Variants in LSAMP observed in about 807,000 individuals in gnomAD.
The protein encoded by LSAMP is limbic system-associated membrane protein.
A neutral mutation model predicts 38.6 loss-of-function variants in LSAMP; 7 were observed. The ratio of observed to expected loss-of-function variants is 0.18; its 90% CI spans 0.10 to 0.34. The LOEUF (loss-of-function observed/expected upper bound fraction) is 0.34. Ranked by LOEUF, LSAMP falls within the 10% of genes least tolerant of loss-of-function variation. The pLI, the probability that LSAMP is intolerant of heterozygous loss-of-function variation, is 1.00. For synonymous variants in LSAMP, 154 were observed against 166.8 expected, an observed-to-expected ratio of 0.92 and a Z score of 0.59; for missense variants, 313 against 420.0, an observed-to-expected ratio of 0.75 and a Z score of 2.23.
chr3:116,009,721 G>T (rs1246911918), intron 3 of LSAMP, among the ~76,000 whole-genome samples: 1 of 151,940 alleles, frequency 6.6e-6, no homozygotes, highest in East Asian at 1.9e-4. Context: ...TCTTGTAACG[G>T]GGGCTCCTTC....
intron 3 of LSAMP, among the ~76,000 whole-genome samples, chr3:116,017,432 A>G (rs1940513731): frequency 2.0e-5 from 3 of 152,156 alleles, no homozygotes; most frequent in African/African-American, 7.2e-5. Context: ...TATAAATAGT[A>G]TATTTACATA....
chr3:115,948,306 A>G (rs1938168994), intron 3 of LSAMP, among the ~76,000 whole-genome samples: 2 of 152,150 alleles, frequency 1.3e-5, no homozygotes, highest in African/African-American at 4.8e-5. Flanking sequence ...AGAACATTCT[A>G]CCCAACAACT....
intron 3 of LSAMP, among the ~76,000 whole-genome samples, chr3:115,928,884 GGAA>G (rs1254865293): frequency 6.6e-6 from 1 of 151,820 alleles, no homozygotes; most frequent in Non-Finnish European, 1.5e-5. Context: ...AAGGGCGTAG[GGAA>G]GAAGACCAGT....
intron 3 of LSAMP, among the ~76,000 whole-genome samples, chr3:115,871,781 G>A (rs1233255789): frequency 6.6e-6 from 1 of 152,028 alleles, no homozygotes; most frequent in Non-Finnish European, 1.5e-5. Context: ...AAACCTCCAT[G>A]CAAATGAGCA....
At chr3:116,100,228 C>A (rs1467241673) in intron 1 of LSAMP, among the ~76,000 whole-genome samples, 1 of 151,852 alleles carries the variant, frequency 6.6e-6, no homozygotes, top group Non-Finnish European at 1.5e-5. Context: ...AATACAGGTG[C>A]ATGCCACCAC....
chr3:116,079,631 C>CAAAAAAAAAAAAAAAAAAAAAAAAAAAA (rs34038261), intron 2 of LSAMP, among the ~76,000 whole-genome samples: 1 of 86,130 alleles, frequency 1.2e-5, no homozygotes. Context: ...GACTCTGTCT[C>CAAAAAAAAAAAAAAAAAAAAAAAAAAAA]AAAAAAAAAA....
At chr3:116,318,776 G>C (rs750481490) in intron 1 of LSAMP, among the ~76,000 whole-genome samples, 3 of 152,192 alleles carry the variant, frequency 2.0e-5, no homozygotes, top group Non-Finnish European at 4.4e-5. Context: ...TCTGAAAGTA[G>C]AAGTTTTTGG....
intron 3 of LSAMP, among the ~76,000 whole-genome samples, chr3:115,959,091 C>T (rs1938545915): frequency 6.6e-6 from 1 of 152,134 alleles, no homozygotes; most frequent in Non-Finnish European, 1.5e-5. Context: ...CTAGATGTTT[C>T]TATCCTCTTT....
At chr3:115,955,937 C>T (rs1938440039) in intron 3 of LSAMP, among the ~76,000 whole-genome samples, 1 of 152,070 alleles carries the variant, frequency 6.6e-6, no homozygotes, top group Non-Finnish European at 1.5e-5. Context: ...CTCATTAGGC[C>T]AGCATCAGGC....
rs2049494748 is a variant in LSAMP at position 116,445,163 on chromosome 3, T to C, written c.-132A>G. 1 of 842,874 alleles carries C rather than the reference T, an allele frequency of 1.2e-6. No homozygotes were observed. Among genetic ancestry groups the C allele is most frequent in the African/African-American group, 1.7e-5 (1 of 58,380 alleles). 52.2% of individuals were successfully genotyped at this position (842,874 alleles called of 1,614,324 possible). ...GCGGGCTTTGCCAGTTTATGGTCCT[T>C]TCCACTTTGCCTCTCTCTTTCCCTC... is the stretch of plus-strand genomic sequence containing the variant. On this transcript the variant is annotated 5_prime_UTR_variant, in exon 1 of 7. Coordinates refer to ENST00000490035, the MANE Select transcript of LSAMP (RefSeq NM_002338.5).
Position 116,163,722 on chromosome 3 carries a change from A to T in LSAMP, c.156-77166T>A, listed in dbSNP as rs1226007285. On this transcript the variant is annotated intron_variant, in intron 1 of 6. Transcript: ENST00000490035. ...TGTAAAAGTGTTCCTATTTCTCCAC[A>T]TCCTCTCCAAAAAAAAGATTAAAAA... is the stretch of plus-strand genomic sequence containing the variant. 2.6e-5 allele frequency among the ~76,000 whole-genome samples: 4 copies of T among 151,602 alleles called. No homozygotes were observed. The East Asian group carries it at 5.8e-4, about 22-fold the overall frequency.
chr3:115,810,257 C>CTCTG lies in LSAMP; in HGVS notation c.*59_*60insCAGA, dbSNP rs1414188082. 2 of 1,170,864 alleles carry CTCTG rather than the reference C, an allele frequency of 1.7e-6. No homozygotes were observed. The highest frequency in any genetic ancestry group is 2.5e-6 in the Non-Finnish European group (2 of 811,034). 72.5% of individuals were successfully genotyped at this position (1,170,864 alleles called of 1,614,324 possible). A position where few individuals can be genotyped will look rare whatever the true frequency, so the allele number is the denominator to read the frequency against. On this transcript the variant is annotated 3_prime_UTR_variant, in exon 7 of 7. Transcript: ENST00000490035. Reference sequence around the variant, plus strand: ...TCTCTCTCTCTCTGTCTCTCTCTCTCTGTATTCTGTGTGACGCATTTTTGT... The same window carrying CTCTG: ...TCTCTCTCTCTCTGTCTCTCTCTCTCTCTGTGTATTCTGTGTGACGCATTTTTGT...
chr3:115,851,615 C>A (rs1250180817), intron 4 of LSAMP, among the ~76,000 whole-genome samples: 1 of 152,164 alleles, frequency 6.6e-6, no homozygotes, highest in African/African-American at 2.4e-5. Flanking sequence ...GATGTTTGTA[C>A]ATGTATGCCT....
rs75820318 is a variant in LSAMP, at chr3:115,941,437, G to A, written c.514+78078C>T. ...CCCACTTCTTGGTATGTATCCAAAG[G>A]AAATGAAATTATTACCTTGAAAAGT... On this transcript the variant is annotated intron_variant, in intron 3 of 6. Transcript: ENST00000490035. 3.6e-3 allele frequency among the ~76,000 whole-genome samples: 546 copies of A among 152,138 alleles called. 1 individual carries two copies. The highest frequency in any genetic ancestry group is 0.011 in the African/African-American group (465 of 41,524).
At chr3:116,000,359 A>G (rs1242015002) in intron 3 of LSAMP, among the ~76,000 whole-genome samples, 2 of 152,208 alleles carry the variant, frequency 1.3e-5, no homozygotes, top group African/African-American at 4.8e-5. Flanking sequence ...GAGAAGGTTA[A>G]GTAAATTTCC....
intron 3 of LSAMP, among the ~76,000 whole-genome samples, chr3:115,999,830 G>A (rs1346930975): frequency 6.6e-6 from 1 of 152,188 alleles, no homozygotes; most frequent in African/African-American, 2.4e-5. Flanking sequence ...GACTGGGTGT[G>A]AAACTGCTCC....
At chr3:116,421,355 G>T (rs1041660115) in intron 1 of LSAMP, among the ~76,000 whole-genome samples, 1 of 151,776 alleles carries the variant, frequency 6.6e-6, no homozygotes, top group African/African-American at 2.4e-5. Context: ...GGATCACCTG[G>T]GGTCAGGAGT....
chr3:115,859,371 A>G (rs1006178835), intron 3 of LSAMP, among the ~76,000 whole-genome samples: 4 of 152,220 alleles, frequency 2.6e-5, no homozygotes, highest in African/African-American at 4.8e-5. Context: ...AAACAAAAAC[A>G]AAAACGGAGA....
At chr3:115,996,396 C>T (rs1939815892) in intron 3 of LSAMP, among the ~76,000 whole-genome samples, 1 of 152,060 alleles carries the variant, frequency 6.6e-6, no homozygotes. Context: ...GAGAGATCTA[C>T]AGGGAATTGG....
Sources: gnomAD v4.1 joint callset for allele counts (sites outside exome capture counted in the v4.1 genomes callset) on GRCh38, gnomAD v4.1.1 for gene constraint, MANE v1.5 for transcripts, NCBI Gene and HGNC (gene_info 2026-07-23, HGNC 2026-07-21) for gene names.